The following COL23A1 variants were observed in gnomAD, a reference collection of about 807,000 sequenced individuals.
COL23A1 encodes collagen type XXIII alpha 1 chain, also known as collagen alpha-1(XXIII) chain.
A neutral mutation model predicts 99.3 loss-of-function variants in COL23A1; 97 were observed. That is an observed-to-expected ratio of 0.98 (90% confidence interval 0.83 to 1.16). The LOEUF (loss-of-function observed/expected upper bound fraction) is 1.16. Ranked by LOEUF, COL23A1 falls within the 50% of genes most tolerant of loss-of-function variation. COL23A1 has a pLI of 0.00. For missense variants in COL23A1, 762 were observed against 757.4 expected (o/e 1.01, Z -0.07); for synonymous variants, 320 against 308.2 (o/e 1.04, Z -0.40).
intron 2 of COL23A1, among the ~76,000 whole-genome samples, chr5:178,522,147 G>C (rs142155724): frequency 6.6e-6 from 1 of 152,176 alleles, no homozygotes; most frequent in South Asian, 2.1e-4. Context: ...AAAACTTTCC[G>C]AGTTAACTGG....
At chr5:178,261,876 G>C (rs1405786922) in intron 10 of COL23A1, 128 bp from the exon 11 acceptor site, 5 of 827,484 alleles carry the variant, frequency 6.0e-6, no homozygotes, top group South Asian at 3.3e-5. Flanking sequence ...GCTGCCGTCA[G>C]AAGCAGGCTG....
At chr5:178,549,695 A>C (rs558661496) in intron 2 of COL23A1, among the ~76,000 whole-genome samples, 1 of 152,224 alleles carries the variant, frequency 6.6e-6, no homozygotes, top group South Asian at 2.1e-4. Context: ...TGCTCCTGTA[A>C]TCCCAGCTAC....
Position 178,337,859 on chromosome 5 carries a change from T to G in COL23A1, c.362-30940A>C, listed in dbSNP as rs368710102. On this transcript the variant is annotated intron_variant, in intron 2 of 28. Coordinates refer to ENST00000390654, the MANE Select transcript of COL23A1 (RefSeq NM_173465.4). ...TGATAATTTTAATCATTATTATATT[T>G]TATGATATTATACAATCTATTTGTT... 7.9e-5 allele frequency among the ~76,000 whole-genome samples: 12 copies of G among 152,340 alleles called. No homozygotes were observed. In the East Asian group the frequency reaches 1.9e-3, roughly 24 times the overall value.
intron 2 of COL23A1, among the ~76,000 whole-genome samples, chr5:178,547,600 C>T (rs1194104719): frequency 6.5e-4 from 5 of 7,652 alleles, no homozygotes; most frequent in Admixed American, 2.1e-3. Context: ...CACAACCACC[C>T]ACACACACAC....
At chr5:178,514,575 C>A (rs565772184) in intron 2 of COL23A1, among the ~76,000 whole-genome samples, 1 of 152,352 alleles carries the variant, frequency 6.6e-6, no homozygotes, top group Middle Eastern at 3.4e-3. Flanking sequence ...CATACTTGGT[C>A]CACATCCTGA....
intron 2 of COL23A1, chr5:178,351,776 T>A (rs1761341179): frequency 6.6e-6 from 1 of 152,190 alleles, no homozygotes; most frequent in South Asian, 2.1e-4. Flanking sequence ...AAGCCCCTAG[T>A]CCCCATTGTG....
At chr5:178,571,735 C>T (rs1220670723) in intron 1 of COL23A1, among the ~76,000 whole-genome samples, 2 of 152,148 alleles carry the variant, frequency 1.3e-5, no homozygotes, top group African/African-American at 4.8e-5. Context: ...ACCGTACTGC[C>T]TATGTGCAGA....
chr5:178,389,873 C>T (rs1346478820), intron 2 of COL23A1, among the ~76,000 whole-genome samples: 1 of 152,214 alleles, frequency 6.6e-6, no homozygotes, highest in African/African-American at 2.4e-5. Context: ...CTACGTCCAG[C>T]CCTCCTGAGC....
rs796178490 is a variant in COL23A1, at chr5:178,511,888, CA to C, written c.361+48793del. ...TCTCAGATACCACCTACCAATTTGG[CA>C]AAAAAAAAATTTTAATTGGTACCAC... On this transcript the variant is annotated intron_variant, in intron 2 of 28. Transcript: ENST00000390654. 1.3e-4 allele frequency among the ~76,000 whole-genome samples: 19 copies of C among 150,328 alleles called. No homozygotes were observed. In the South Asian group the frequency reaches 2.5e-3, roughly 20 times the overall value.
At chr5:178,288,966 G>A (rs1757308536) in intron 4 of COL23A1, among the ~76,000 whole-genome samples, 1 of 152,068 alleles carries the variant, frequency 6.6e-6, no homozygotes, top group South Asian at 2.1e-4. Flanking sequence ...TATTTTAACT[G>A]CCAAGTTAAA....
intron 3 of COL23A1, among the ~76,000 whole-genome samples, chr5:178,297,540 G>C (rs1757811272): frequency 6.6e-6 from 1 of 152,092 alleles, no homozygotes; most frequent in Admixed American, 6.5e-5. Context: ...AAAAAACAGA[G>C]ATGTCAAAGA....
At chr5:178,293,935 G>A (rs886275924) in intron 3 of COL23A1, among the ~76,000 whole-genome samples, 5 of 152,104 alleles carry the variant, frequency 3.3e-5, no homozygotes, top group Non-Finnish European at 7.4e-5. Flanking sequence ...GCCAGGCTGT[G>A]TAAGGGGCTT....
At chr5:178,565,712 A>G (rs538721126) in intron 1 of COL23A1, among the ~76,000 whole-genome samples, 1 of 152,244 alleles carries the variant, frequency 6.6e-6, no homozygotes, top group Admixed American at 6.5e-5. Context: ...GAAAATTGAG[A>G]CAGAAAGAGA....
intron 2 of COL23A1, among the ~76,000 whole-genome samples, chr5:178,369,252 C>G (rs770092255): frequency 6.6e-6 from 1 of 152,088 alleles, no homozygotes; most frequent in Non-Finnish European, 1.5e-5. Flanking sequence ...ACCTTGACCC[C>G]TGGAGAGATG....
At chr5:178,275,044 G>A (rs982627544) in intron 5 of COL23A1, among the ~76,000 whole-genome samples, 5 of 152,318 alleles carry the variant, frequency 3.3e-5, no homozygotes, top group African/African-American at 4.8e-5. Context: ...CAGGCCAGGC[G>A]GCCACCTGTC....
intron 2 of COL23A1, among the ~76,000 whole-genome samples, chr5:178,478,060 A>G (rs1458986020): frequency 2.6e-5 from 4 of 152,172 alleles, no homozygotes; most frequent in Non-Finnish European, 5.9e-5. Context: ...GAGAACAGGC[A>G]GGGAAGAGGC....
chr5:178,269,350 C>CCCAT, intron 6 of COL23A1, among the ~76,000 whole-genome samples: 1 of 38,502 alleles, frequency 2.6e-5, no homozygotes, highest in Admixed American at 2.8e-4. Flanking sequence ...CATCCATCCA[C>CCCAT]CCACCCACCC....
At chr5:178,523,177 T>TATATAG (rs1348442017) in intron 2 of COL23A1, among the ~76,000 whole-genome samples, 1 of 77,868 alleles carries the variant, frequency 1.3e-5, no homozygotes, top group Non-Finnish European at 2.6e-5. Flanking sequence ...TATATATATA[T>TATATAG]ACACATATAT....
chr5:178,557,130 G>T (rs192449290), intron 2 of COL23A1, among the ~76,000 whole-genome samples: 1 of 152,282 alleles, frequency 6.6e-6, no homozygotes, highest in East Asian at 1.9e-4. Flanking sequence ...TCTGGTGGCT[G>T]CAGGCATTTT....
Sources: gnomAD v4.1 joint callset for allele counts (sites outside exome capture counted in the v4.1 genomes callset) on GRCh38, gnomAD v4.1.1 for gene constraint, MANE v1.5 for transcripts, NCBI Gene and HGNC (gene_info 2026-07-23, HGNC 2026-07-21) for gene names.